Variants in KHDRBS2 observed in about 807,000 individuals in gnomAD.
The protein encoded by KHDRBS2 is KH RNA binding domain containing, signal transduction associated 2.
In KHDRBS2, 26 loss-of-function variants were observed where a neutral mutation model predicts 44.3. The observed-to-expected ratio is 0.59, with a 90% CI of 0.43 to 0.81. The LOEUF (loss-of-function observed/expected upper bound fraction) is 0.81, where lower values mean the gene tolerates loss of function less well. Ranked by LOEUF, KHDRBS2 falls within the 40% of genes least tolerant of loss-of-function variation. The probability of loss-of-function intolerance (pLI) is 0.00; values close to 1 mark genes in which losing one functional copy is unlikely to be tolerated. For missense variants in KHDRBS2, 476 were observed against 433.1 expected (o/e 1.10, Z -0.88); for synonymous variants, 194 against 151.1 (o/e 1.28, Z -2.08).
intron 1 of KHDRBS2, among the ~76,000 whole-genome samples, chr6:62,227,457 T>C (rs1203333718): frequency 1.3e-5 from 2 of 152,212 alleles, no homozygotes; most frequent in Non-Finnish European, 2.9e-5. Context: ...TATGTAATCA[T>C]ATCTTCAGCA....
intron 6 of KHDRBS2, among the ~76,000 whole-genome samples, chr6:61,775,945 A>G (rs577380860): frequency 6.6e-6 from 1 of 152,252 alleles, no homozygotes; most frequent in Admixed American, 6.5e-5. Context: ...AAACAGAGAT[A>G]TAGATCAATG....
chr6:61,688,715 C>A (rs1767068614), intron 8 of KHDRBS2, among the ~76,000 whole-genome samples: 1 of 151,972 alleles, frequency 6.6e-6, no homozygotes, highest in Non-Finnish European at 1.5e-5. Context: ...GTATGACCTA[C>A]TCTAAGTGCA....
intron 1 of KHDRBS2, among the ~76,000 whole-genome samples, chr6:62,219,786 TTTTA>T (rs1830580532): frequency 6.7e-6 from 1 of 148,326 alleles, no homozygotes; most frequent in Admixed American, 6.8e-5. Flanking sequence ...ATATATATAT[TTTTA>T]TTTACTATAT....
chr6:61,643,148 T>C, the KHDRBS2 span, among the ~76,000 whole-genome samples: 1 of 152,194 alleles, frequency 6.6e-6, no homozygotes, highest in Non-Finnish European at 1.5e-5. Flanking sequence ...TCCCTAGTTA[T>C]AGCTTATATC....
chr6:62,231,268 T>C (rs980161897), intron 1 of KHDRBS2, among the ~76,000 whole-genome samples: 2 of 152,170 alleles, frequency 1.3e-5, no homozygotes, highest in African/African-American at 4.8e-5. Context: ...AGAGGTTTAA[T>C]TGACTAACAA....
intron 3 of KHDRBS2, among the ~76,000 whole-genome samples, chr6:62,005,581 C>G (rs1268094713): frequency 1.3e-5 from 2 of 149,780 alleles, no homozygotes; most frequent in Non-Finnish European, 3.0e-5. Flanking sequence ...CTTTAGGGAC[C>G]AAAAATCAAA....
intron 4 of KHDRBS2, among the ~76,000 whole-genome samples, chr6:61,940,776 T>G (rs1811982262): frequency 6.6e-6 from 1 of 152,138 alleles, no homozygotes; most frequent in South Asian, 2.1e-4. Flanking sequence ...GATCATGGGC[T>G]AACATACCAG....
chr6:61,750,864 G>T (rs1390425525), intron 6 of KHDRBS2, among the ~76,000 whole-genome samples: 5 of 151,598 alleles, frequency 3.3e-5, no homozygotes, highest in African/African-American at 1.2e-4. Context: ...TATGTTTCTA[G>T]TTTTATTTTG....
At chr6:61,945,138 T>C (rs1378367793) in intron 4 of KHDRBS2, among the ~76,000 whole-genome samples, 3 of 105,352 alleles carry the variant, frequency 2.8e-5, no homozygotes, top group Non-Finnish European at 6.0e-5. Flanking sequence ...TATATATATA[T>C]ATATATATAT....
intron 6 of KHDRBS2, among the ~76,000 whole-genome samples, chr6:61,778,306 A>T (rs1370358491): frequency 6.6e-6 from 1 of 152,162 alleles, no homozygotes; most frequent in Non-Finnish European, 1.5e-5. Context: ...TATGCCTGGG[A>T]CTGTGCAAGA....
intron 7 of KHDRBS2, among the ~76,000 whole-genome samples, chr6:61,723,558 CA>C (rs1773052961): frequency 6.6e-6 from 1 of 151,314 alleles, no homozygotes; most frequent in South Asian, 2.1e-4. Context: ...CAAAAACAAA[CA>C]AACAAACAAA....
intron 6 of KHDRBS2, among the ~76,000 whole-genome samples, chr6:61,782,933 G>T (rs1343992226): frequency 6.6e-5 from 10 of 151,572 alleles, no homozygotes; most frequent in Admixed American, 6.6e-4. Context: ...TGGGACACAA[G>T]AATATTCCAT....
intron 2 of KHDRBS2, among the ~76,000 whole-genome samples, chr6:62,080,797 G>A (rs1370622792): frequency 6.6e-6 from 1 of 152,006 alleles, no homozygotes; most frequent in African/African-American, 2.4e-5. Context: ...TCAAGCACCT[G>A]GAGAGTAGGA....
chr6:61,796,903 C>T (rs757608171), intron 6 of KHDRBS2, among the ~76,000 whole-genome samples: 2 of 152,072 alleles, frequency 1.3e-5, no homozygotes, highest in African/African-American at 4.8e-5. Context: ...TTATTTATAA[C>T]TCTGTAAAAT....
intron 2 of KHDRBS2, among the ~76,000 whole-genome samples, chr6:62,098,129 G>A (rs1253437037): frequency 6.6e-6 from 1 of 151,122 alleles, no homozygotes; most frequent in Non-Finnish European, 1.5e-5. Flanking sequence ...TAACAATTTT[G>A]TCCCTTATCT....
chr6:61,688,015 T>C (rs1767003685), intron 8 of KHDRBS2, among the ~76,000 whole-genome samples: 1 of 151,888 alleles, frequency 6.6e-6, no homozygotes, highest in Non-Finnish European at 1.5e-5. Context: ...TTGTATTTAA[T>C]AAATTGACTC....
intron 1 of KHDRBS2, among the ~76,000 whole-genome samples, chr6:62,219,548 C>G (rs947238090): frequency 1.1e-4 from 17 of 150,742 alleles, no homozygotes; most frequent in Admixed American, 3.3e-4. Context: ...ATTGAAAAAC[C>G]CATTACCAAC....
chr6:62,108,538 G>T (rs1413139693), intron 2 of KHDRBS2, among the ~76,000 whole-genome samples: 1 of 152,150 alleles, frequency 6.6e-6, no homozygotes, highest in Non-Finnish European at 1.5e-5. Flanking sequence ...AGTCAGTGTG[G>T]CGATTCCTCA....
chr6:61,745,274 A>C (rs1203387466), intron 6 of KHDRBS2, among the ~76,000 whole-genome samples: 1 of 152,156 alleles, frequency 6.6e-6, no homozygotes, highest in Non-Finnish European at 1.5e-5. Flanking sequence ...AAAGGATGTT[A>C]ACTTTGTATT....
Sources: gnomAD v4.1 joint callset for allele counts (sites outside exome capture counted in the v4.1 genomes callset) on GRCh38, gnomAD v4.1.1 for gene constraint, MANE v1.5 for transcripts, NCBI Gene and HGNC (gene_info 2026-07-23, HGNC 2026-07-21) for gene names.